Variants in ELP4 observed in about 807,000 individuals in gnomAD.
ELP4 encodes elongator acetyltransferase complex subunit 4, also known as elongator complex protein 4.
In ELP4, 51 loss-of-function variants were observed where a neutral mutation model predicts 48.9. That is an observed-to-expected ratio of 1.04 (90% CI 0.83 to 1.32). The LOEUF (loss-of-function observed/expected upper bound fraction) is 1.32, where lower values mean the gene tolerates loss of function less well. Among genes scored for constraint, ELP4 ranks in the 40% most tolerant of loss-of-function variants. The pLI is 0.00. For synonymous variants in ELP4, 210 were observed against 189.2 expected, an observed-to-expected ratio of 1.11 and a Z score of -0.90; for missense variants, 519 against 514.6, an observed-to-expected ratio of 1.01 and a Z score of -0.08.
intron 3 of ELP4, among the ~76,000 whole-genome samples, chr11:31,554,046 G>C (rs1402986419): frequency 6.6e-6 from 1 of 152,140 alleles, no homozygotes; most frequent in Non-Finnish European, 1.5e-5. Context: ...TCTAGGTTAC[G>C]CACTCCGAAT....
At chr11:31,542,734 C>A (rs181828565) in intron 3 of ELP4, among the ~76,000 whole-genome samples, 305 of 152,170 alleles carry the variant, frequency 2.0e-3, no homozygotes, top group African/African-American at 7.0e-3. Flanking sequence ...CAGCACCCAA[C>A]AGAATAAAAT....
At chr11:31,717,289 A>T (rs1243320958) in intron 9 of ELP4, among the ~76,000 whole-genome samples, 1 of 152,190 alleles carries the variant, frequency 6.6e-6, no homozygotes, top group Non-Finnish European at 1.5e-5. Context: ...TAGGCAACAA[A>T]CCGCAGTCAC....
chr11:31,623,764 TA>T (rs1181080004), intron 5 of ELP4, among the ~76,000 whole-genome samples: 26 of 143,972 alleles, frequency 1.8e-4, no homozygotes, highest in African/African-American at 3.8e-4. Flanking sequence ...ATCAACAGAG[TA>T]AAAAAAAAAC....
chr11:31,732,180 A>T (rs1426151036), intron 9 of ELP4, among the ~76,000 whole-genome samples: 1 of 152,226 alleles, frequency 6.6e-6, no homozygotes, highest in East Asian at 1.9e-4. Flanking sequence ...ATAGTAGTAT[A>T]TAAATCACTT....
intron 7 of ELP4, among the ~76,000 whole-genome samples, chr11:31,640,570 C>T (rs116344813): frequency 0.019 from 2,926 of 151,936 alleles, 59 homozygotes; most frequent in Admixed American, 0.056. Context: ...ATAATGTTTT[C>T]GCACCCTATG....
chr11:31,537,815 G>A (rs968203379), intron 2 of ELP4, among the ~76,000 whole-genome samples: 2 of 152,116 alleles, frequency 1.3e-5, no homozygotes, highest in African/African-American at 4.8e-5. Flanking sequence ...TTTGACATGA[G>A]ATTTGGGCAG....
At chr11:31,587,886 A>T (rs1957504949) in intron 3 of ELP4, among the ~76,000 whole-genome samples, 1 of 152,066 alleles carries the variant, frequency 6.6e-6, no homozygotes. Context: ...TAACAAAATT[A>T]TTTTTTTATT....
chr11:31,626,312 C>A (rs985813297), intron 5 of ELP4, among the ~76,000 whole-genome samples: 2 of 151,792 alleles, frequency 1.3e-5, no homozygotes, highest in African/African-American at 4.8e-5. Flanking sequence ...GCTTTTACAG[C>A]ATTAGGCACT....
rs779435876 is a variant in ELP4 at position 31,668,220 on chromosome 11, TAA to T, written c.1143+18000_1143+18001del. Among the ~76,000 whole-genome samples the T allele has an allele frequency of 4.6e-5, 7 of 152,318 alleles. No individual in the cohort carries two copies. The East Asian group carries it at 9.6e-4, about 21-fold the overall frequency. On this transcript the variant is annotated intron_variant, in intron 9 of 9. Coordinates refer to ENST00000640961, the MANE Select transcript of ELP4 (RefSeq NM_019040.5). ...ATGCTTTTTGGTTTTGGTTTTAATATAAGTTTCTTTTCAACACTTTTTAATAT... is the reference window on the plus strand; with the variant it reads ...ATGCTTTTTGGTTTTGGTTTTAATATGTTTCTTTTCAACACTTTTTAATAT...
At chr11:31,639,110 A>G (rs143072110) in intron 7 of ELP4, among the ~76,000 whole-genome samples, 2 of 151,962 alleles carry the variant, frequency 1.3e-5, no homozygotes, top group East Asian at 3.9e-4. Context: ...TCATAGCTAC[A>G]GTTACTAAAG....
intron 3 of ELP4, among the ~76,000 whole-genome samples, chr11:31,546,480 T>C (rs1248225366): frequency 6.6e-6 from 1 of 152,120 alleles, no homozygotes. Context: ...CCCAGATTCA[T>C]AAAGCAAGTC....
At chr11:31,780,715 A>G (rs1056256767) in intron 9 of ELP4, 2 of 152,228 alleles carry the variant, frequency 1.3e-5, no homozygotes, top group African/African-American at 4.8e-5. Flanking sequence ...TTCATTGCCT[A>G]GAAAAGCAGA....
intron 9 of ELP4, among the ~76,000 whole-genome samples, chr11:31,659,154 G>A (rs896806310): frequency 2.6e-5 from 4 of 152,068 alleles, no homozygotes; most frequent in African/African-American, 9.7e-5. Flanking sequence ...AATGTAATGG[G>A]AATGTCTTTA....
Position 31,618,440 on chromosome 11 carries a change from A to G in ELP4, c.654-8670A>G, listed in dbSNP as rs190794652. On this transcript the variant is annotated intron_variant, in intron 5 of 9. Transcript: ENST00000640961. ...AGGAACCCTGTTCCTCACATGGCAA[A>G]AGAATGGAAGAACCAGGAGAGTGAG... is the stretch of plus-strand genomic sequence containing the variant. 5.7e-3 allele frequency among the ~76,000 whole-genome samples: 865 copies of G among 152,200 alleles called. 9 individuals are homozygous for G. Among genetic ancestry groups the G allele is most frequent in the African/African-American group, 0.02 (821 of 41,542 alleles).
chr11:31,561,355 C>T (rs1422384052), intron 3 of ELP4, among the ~76,000 whole-genome samples: 11 of 152,258 alleles, frequency 7.2e-5, no homozygotes, highest in Non-Finnish European at 1.0e-4. Context: ...TTAATAGATG[C>T]CAAAGTTCAT....
intron 3 of ELP4, among the ~76,000 whole-genome samples, chr11:31,578,711 G>C (rs1454290747): frequency 6.6e-6 from 1 of 152,158 alleles, no homozygotes; most frequent in Non-Finnish European, 1.5e-5. Context: ...TTTAATAAAT[G>C]GTGCTGGGAA....
chr11:31,588,852 G>A (rs943888499), intron 3 of ELP4, among the ~76,000 whole-genome samples: 6 of 152,044 alleles, frequency 3.9e-5, no homozygotes, highest in Admixed American at 2.0e-4. Flanking sequence ...GCGTGGTGGC[G>A]CACACCAGTC....
intron 9 of ELP4, among the ~76,000 whole-genome samples, chr11:31,753,225 CT>C (rs1947765303): frequency 6.6e-6 from 1 of 152,200 alleles, no homozygotes; most frequent in East Asian, 1.9e-4. Context: ...CCAAATCACT[CT>C]GTAGAAAAGC....
At chr11:31,616,751 T>C (rs1455618157) in intron 5 of ELP4, among the ~76,000 whole-genome samples, 1 of 152,040 alleles carries the variant, frequency 6.6e-6, no homozygotes, top group Non-Finnish European at 1.5e-5. Flanking sequence ...CTTTATAAAA[T>C]AGGCAAAGGA....
Sources: allele counts gnomAD v4.1 joint callset (sites outside exome capture counted in the v4.1 genomes callset), GRCh38; gene constraint gnomAD v4.1.1; transcripts MANE v1.5; gene names NCBI Gene and HGNC (gene_info 2026-07-23, HGNC 2026-07-21).